The following XYLT1 variants were observed in gnomAD, a reference collection of about 807,000 sequenced individuals.
The protein encoded by XYLT1 is xylosyltransferase 1.
XYLT1 carries 36 observed loss-of-function variants against 91.3 expected under a neutral mutation model. The observed-to-expected ratio is 0.39, with a 90% confidence interval of 0.30 to 0.52. The LOEUF is 0.52. Ranked by LOEUF, XYLT1 falls within the 20% of genes least tolerant of loss-of-function variation. The pLI, the probability that XYLT1 is intolerant of heterozygous loss-of-function variation, is 0.68. For synonymous variants in XYLT1, 588 were observed against 532.0 expected (o/e 1.11, Z -1.45); for missense variants, 1,242 against 1,284.5 (o/e 0.97, Z 0.51).
chr16:17,340,132 C>G (rs1257268791), intron 2 of XYLT1, among the ~76,000 whole-genome samples: 1 of 122,698 alleles, frequency 8.2e-6, no homozygotes, highest in Non-Finnish European at 2.0e-5. Flanking sequence ...TCCACTCATC[C>G]CTCTATCCAT....
At chr16:17,290,477 C>T (rs959932484) in intron 2 of XYLT1, among the ~76,000 whole-genome samples, 28 of 152,224 alleles carry the variant, frequency 1.8e-4, no homozygotes, top group Admixed American at 5.9e-4. Flanking sequence ...TGGAAGGAGA[C>T]GCCTTACAGG....
At chr16:17,138,773 T>TAACA (rs1273006354) in intron 7 of XYLT1, 1 of 458,936 alleles carries the variant, frequency 2.2e-6, no homozygotes, top group South Asian at 3.0e-5. Flanking sequence ...CAAAAATGTA[T>TAACA]AACACAACTA....
intron 2 of XYLT1, among the ~76,000 whole-genome samples, chr16:17,344,890 G>T (rs1205061808): frequency 6.6e-6 from 1 of 151,882 alleles, no homozygotes; most frequent in Non-Finnish European, 1.5e-5. Flanking sequence ...TAGTAGAGAC[G>T]GTGTTTCACC....
chr16:17,124,880 C>G (rs1223026518), intron 10 of XYLT1, among the ~76,000 whole-genome samples: 1 of 152,094 alleles, frequency 6.6e-6, no homozygotes, highest in Non-Finnish European at 1.5e-5. Flanking sequence ...TCGTTTGATT[C>G]GATTGCTGAG....
chr16:17,257,196 G>T (rs1044890612), intron 3 of XYLT1, among the ~76,000 whole-genome samples: 11 of 152,170 alleles, frequency 7.2e-5, no homozygotes, highest in Non-Finnish European at 1.6e-4. Context: ...TGAGAAGGAG[G>T]GATGGCCAGG....
intron 6 of XYLT1, among the ~76,000 whole-genome samples, chr16:17,145,965 T>C (rs890204689): frequency 5.3e-5 from 8 of 152,196 alleles, no homozygotes; most frequent in Non-Finnish European, 1.2e-4. Flanking sequence ...GGCTCTGGAC[T>C]TTGTGCCTCC....
Position 17,105,919 on chromosome 16 carries a change from A to AT in XYLT1, c.*2775_*2776insA. 1 of 128,488 alleles carries AT rather than the reference A, an allele frequency of 7.8e-6. No individual in the cohort carries two copies. The highest frequency in any genetic ancestry group is 2.5e-4 in the South Asian group (1 of 4,076). 8.0% of individuals were successfully genotyped at this position (128,488 alleles called of 1,614,324 possible). A position where few individuals can be genotyped will look rare whatever the true frequency, so the allele number is the denominator to read the frequency against. ...CTGGGCTTTGTTTGGGATTTTCCTTAAAAAAAAAAACAAAACACAAAAACA... is the reference window on the plus strand; with the variant it reads ...CTGGGCTTTGTTTGGGATTTTCCTTATAAAAAAAAAACAAAACACAAAAACA... On this transcript the variant is annotated 3_prime_UTR_variant, in exon 12 of 12. Coordinates refer to ENST00000261381, the MANE Select transcript of XYLT1 (RefSeq NM_022166.4).
chr16:17,408,004 C>G (rs927707051), intron 1 of XYLT1, among the ~76,000 whole-genome samples: 5 of 152,238 alleles, frequency 3.3e-5, no homozygotes, highest in Admixed American at 6.5e-5. Flanking sequence ...TCCCCTTCAC[C>G]TTCCACTGTG....
chr16:17,426,512 C>CTCTA (rs773027722), intron 1 of XYLT1, among the ~76,000 whole-genome samples: 6 of 152,132 alleles, frequency 3.9e-5, no homozygotes, highest in South Asian at 2.1e-4. Flanking sequence ...CACCACTGCA[C>CTCTA]TCTAGCCTGG....
At chr16:17,386,732 T>C (rs1458060260) in intron 1 of XYLT1, among the ~76,000 whole-genome samples, 1 of 152,180 alleles carries the variant, frequency 6.6e-6, no homozygotes, top group Admixed American at 6.5e-5. Flanking sequence ...TAAGCCCCTA[T>C]TATAAGAGCA....
chr16:17,265,999 CA>C (rs2033798181), intron 2 of XYLT1, among the ~76,000 whole-genome samples: 1 of 152,104 alleles, frequency 6.6e-6, no homozygotes, highest in African/African-American at 2.4e-5. Context: ...AGTTATTAAT[CA>C]ATATATTCAA....
At chr16:17,267,555 C>T (rs147731472) in intron 2 of XYLT1, among the ~76,000 whole-genome samples, 11,207 of 152,184 alleles carry the variant, frequency 0.074, 472 homozygotes, top group South Asian at 0.13. Flanking sequence ...TACAGGCGCC[C>T]GCCACCAAGC....
At position 17,181,075 on chromosome 16, in the gene XYLT1, G is replaced by A. The variant is rs74417734; in HGVS notation, c.1289+17137C>T. ...TGCAGTTGCATTCAAAAAGTAACTG[G>A]AGAAATGCACTTGATTTTTCAAAGT... On this transcript the variant is annotated intron_variant, in intron 5 of 11. Coordinates refer to ENST00000261381, the MANE Select transcript of XYLT1 (RefSeq NM_022166.4). Among the ~76,000 whole-genome samples the A allele has an allele frequency of 1.4e-4, 22 of 152,282 alleles. No individual in the cohort carries two copies. The East Asian group carries it at 4.3e-3, about 29-fold the overall frequency.
At chr16:17,317,404 G>A (rs1488797292) in intron 2 of XYLT1, among the ~76,000 whole-genome samples, 3 of 151,856 alleles carry the variant, frequency 2.0e-5, no homozygotes, top group South Asian at 2.1e-4. Flanking sequence ...AGGCCTAGGC[G>A]GGAGGGTGGT....
At chr16:17,349,140 C>T (rs12599966) in intron 2 of XYLT1, among the ~76,000 whole-genome samples, 5,855 of 152,286 alleles carry the variant, frequency 0.038, 158 homozygotes, top group Non-Finnish European at 0.059. Context: ...CAGGGCAAAC[C>T]GTGCCACAGC....
chr16:17,349,092 T>C (rs768880716), intron 2 of XYLT1, among the ~76,000 whole-genome samples: 18 of 152,188 alleles, frequency 1.2e-4, no homozygotes, highest in Non-Finnish European at 2.5e-4. Flanking sequence ...AATGTGAGTA[T>C]GGCCTCCTCA....
At chr16:17,162,640 C>T (rs1253022356) in intron 5 of XYLT1, among the ~76,000 whole-genome samples, 2 of 152,164 alleles carry the variant, frequency 1.3e-5, no homozygotes, top group Non-Finnish European at 2.9e-5. Context: ...AATACAGGCG[C>T]AATAATGTCT....
chr16:17,420,582 A>G (rs2036238601), intron 1 of XYLT1, among the ~76,000 whole-genome samples: 1 of 152,174 alleles, frequency 6.6e-6, no homozygotes, highest in Admixed American at 6.5e-5. Flanking sequence ...CTTCAAGAGA[A>G]CAAGGCAACT....
chr16:17,320,049 C>A (rs1567372841), intron 2 of XYLT1, among the ~76,000 whole-genome samples: 1 of 152,202 alleles, frequency 6.6e-6, no homozygotes, highest in Non-Finnish European at 1.5e-5. Flanking sequence ...TCAGTCTTCC[C>A]TGGCCATCCT....
Sources: allele counts gnomAD v4.1 joint callset (sites outside exome capture counted in the v4.1 genomes callset), GRCh38; gene constraint gnomAD v4.1.1; transcripts MANE v1.5; gene names NCBI Gene and HGNC (gene_info 2026-07-23, HGNC 2026-07-21).